The following GALNT17 variants were observed in gnomAD, a reference collection of about 807,000 sequenced individuals.
The protein encoded by GALNT17 is polypeptide N-acetylgalactosaminyltransferase 17.
In GALNT17, 29 loss-of-function variants were observed where a neutral mutation model predicts 63.7. The ratio of observed to expected loss-of-function variants is 0.46; its 90% CI spans 0.34 to 0.62. GALNT17 has a LOEUF of 0.62. GALNT17 is among the 20% of genes least tolerant of loss of function. GALNT17 has a pLI of 0.01. For missense variants in GALNT17, 603 were observed against 799.6 expected (o/e 0.75, Z 2.97); for synonymous variants, 305 against 318.3 (o/e 0.96, Z 0.45).
At chr7:71,620,511 T>C (rs1169412709) in intron 6 of GALNT17, among the ~76,000 whole-genome samples, 1 of 152,146 alleles carries the variant, frequency 6.6e-6, no homozygotes, top group African/African-American at 2.4e-5. Context: ...CAAAAACTGT[T>C]TTAAAAATAA....
chr7:71,342,491 T>C (rs1411278993), intron 2 of GALNT17, among the ~76,000 whole-genome samples: 1 of 151,996 alleles, frequency 6.6e-6, no homozygotes, highest in Non-Finnish European at 1.5e-5. Context: ...ACCATATTAC[T>C]GATAGACACA....
chr7:71,457,928 T>C (rs962819591), intron 5 of GALNT17, among the ~76,000 whole-genome samples: 2 of 152,104 alleles, frequency 1.3e-5, no homozygotes, highest in Non-Finnish European at 2.9e-5. Context: ...CTCTGACATT[T>C]TTACACATTT....
In GALNT17 at chr7:71,399,191, G is replaced by C. The variant is rs976248307; in HGVS notation, c.589+10790G>C. Among the ~76,000 whole-genome samples, 3 of 152,110 alleles carry C rather than the reference G, an allele frequency of 2.0e-5. No individual in the cohort carries two copies. The East Asian group carries it at 5.8e-4, about 29-fold the overall frequency. On this transcript the variant is annotated intron_variant, in intron 3 of 10. Coordinates refer to ENST00000333538, the MANE Select transcript of GALNT17 (RefSeq NM_022479.3). ...GGAGGTTGCAGTGAGCTGAGATTGC[G>C]CCACGGCACTCCAGCCTGGGCAACA...
At chr7:71,586,345 T>G (rs1023167991) in intron 6 of GALNT17, among the ~76,000 whole-genome samples, 14 of 152,240 alleles carry the variant, frequency 9.2e-5, no homozygotes, top group African/African-American at 3.4e-4. Flanking sequence ...CAGTTGTGTG[T>G]ATCTATCAGC....
intron 1 of GALNT17, among the ~76,000 whole-genome samples, chr7:71,136,745 A>G (rs1244101874): frequency 6.6e-6 from 1 of 151,150 alleles, no homozygotes; most frequent in African/African-American, 2.4e-5. Context: ...TCGGCCTCCC[A>G]AAGTGCTGGG....
chr7:71,403,492 A>T (rs1044075812), intron 3 of GALNT17, among the ~76,000 whole-genome samples: 1 of 152,224 alleles, frequency 6.6e-6, no homozygotes, highest in Non-Finnish European at 1.5e-5. Context: ...TCCGCTAGCT[A>T]GAAGAAACAT....
chr7:71,167,792 C>G (rs1164762986), intron 1 of GALNT17, among the ~76,000 whole-genome samples: 1 of 152,096 alleles, frequency 6.6e-6, no homozygotes, highest in South Asian at 2.1e-4. Context: ...TGGGTTCAAG[C>G]GATTCTTGTG....
chr7:71,330,385 T>C (rs1791787835), intron 1 of GALNT17, among the ~76,000 whole-genome samples: 1 of 151,866 alleles, frequency 6.6e-6, no homozygotes, highest in African/African-American at 2.4e-5. Context: ...GATAAGGTCT[T>C]CTTATTTTTT....
At chr7:71,308,969 C>A (rs902451419) in intron 1 of GALNT17, among the ~76,000 whole-genome samples, 1 of 152,044 alleles carries the variant, frequency 6.6e-6, no homozygotes, top group Admixed American at 6.6e-5. Context: ...GTCTCGAACT[C>A]CTGACCTCAG....
intron 6 of GALNT17, among the ~76,000 whole-genome samples, chr7:71,621,553 A>ATGGATGGATGGATGGATG: frequency 7.0e-6 from 1 of 143,040 alleles, no homozygotes; most frequent in Middle Eastern, 3.6e-3. Flanking sequence ...ATTGATGGAT[A>ATGGATGGATGGATGGATG]GATGGATGGA....
chr7:71,668,084 C>A (rs953408066), intron 7 of GALNT17, among the ~76,000 whole-genome samples: 1 of 152,124 alleles, frequency 6.6e-6, no homozygotes, highest in African/African-American at 2.4e-5. Flanking sequence ...CAGGTGTGAG[C>A]CACTGCGCCT....
chr7:71,162,123 C>CCTTCCTTCCTTCCTTCCTT (rs1788357249), intron 1 of GALNT17, among the ~76,000 whole-genome samples: 124 of 53,782 alleles, frequency 2.3e-3, no homozygotes, highest in African/African-American at 3.0e-3. Flanking sequence ...CTCCCTCCCT[C>CCTTCCTTCCTTCCTTCCTT]CCTTCCTTCC....
At position 71,357,349 on chromosome 7, in the gene GALNT17, C is replaced by T. The variant is rs79648366; in HGVS notation, c.422+21616C>T. On this transcript the variant is annotated intron_variant, in intron 2 of 10. Coordinates refer to ENST00000333538, the MANE Select transcript of GALNT17 (RefSeq NM_022479.3). ...TATTGTGAACTGTGCATGCATTGCA[C>T]GCTCCTTATGAAAATTTAATACCTT... 7.5e-3 allele frequency among the ~76,000 whole-genome samples: 1,140 copies of T among 152,226 alleles called. 13 individuals carry two copies. The highest frequency in any genetic ancestry group is 0.025 in the African/African-American group (1,045 of 41,532).
chr7:71,396,758 C>T (rs1793146431), intron 3 of GALNT17, among the ~76,000 whole-genome samples: 1 of 146,344 alleles, frequency 6.8e-6, no homozygotes, highest in Admixed American at 6.6e-5. Flanking sequence ...ACATAGATGT[C>T]TTTCTATTTA....
rs1787704903 is a variant in GALNT17, at chr7:71,132,733, C to CT, written c.-69dup. The CT allele has an allele frequency of 4.4e-6, 6 of 1,371,024 alleles. No homozygotes were observed. The South Asian group carries it at 8.4e-5, about 19-fold the overall frequency. The allele number at this position is 1,371,024 out of a possible 1,614,324, so 84.9% of individuals were successfully genotyped here. A position where few individuals can be genotyped will look rare whatever the true frequency, so the allele number is the denominator to read the frequency against. ...CTGGTGTGTGAGGCTTGCACGGCCCCTGGCTGCCCCGCGCCTCGCCGGAGC... is the reference window on the plus strand; with the variant it reads ...CTGGTGTGTGAGGCTTGCACGGCCCCTTGGCTGCCCCGCGCCTCGCCGGAGC... On this transcript the variant is annotated 5_prime_UTR_variant, in exon 1 of 11. Transcript: ENST00000333538.
At chr7:71,369,342 A>G (rs1583895935) in intron 2 of GALNT17, among the ~76,000 whole-genome samples, 2 of 152,146 alleles carry the variant, frequency 1.3e-5, no homozygotes, top group South Asian at 4.1e-4. Flanking sequence ...CTATGGAGAG[A>G]TTTATTGTTG....
At chr7:71,323,409 G>T (rs1300425876) in intron 1 of GALNT17, among the ~76,000 whole-genome samples, 1 of 152,144 alleles carries the variant, frequency 6.6e-6, no homozygotes, top group African/African-American at 2.4e-5. Flanking sequence ...AAGTTGGACT[G>T]CAGGTGTACT....
intron 6 of GALNT17, among the ~76,000 whole-genome samples, chr7:71,650,793 G>C (rs971044808): frequency 2.6e-5 from 4 of 152,266 alleles, no homozygotes; most frequent in African/African-American, 7.2e-5. Flanking sequence ...CACCCTCCCT[G>C]CTCTGCCAGC....
intron 3 of GALNT17, among the ~76,000 whole-genome samples, chr7:71,404,544 A>G (rs1301640094): frequency 6.6e-6 from 1 of 152,232 alleles, no homozygotes; most frequent in Non-Finnish European, 1.5e-5. Context: ...CTCAGAGAAT[A>G]AAATATGCAA....
Sources: gnomAD v4.1 joint callset for allele counts (sites outside exome capture counted in the v4.1 genomes callset) on GRCh38, gnomAD v4.1.1 for gene constraint, MANE v1.5 for transcripts, NCBI Gene and HGNC (gene_info 2026-07-23, HGNC 2026-07-21) for gene names.